Variants in KCTD18 observed in about 807,000 individuals in gnomAD.
KCTD18 encodes BTB/POZ domain-containing protein KCTD18.
In KCTD18, 22 loss-of-function variants were observed where a neutral mutation model predicts 30.4. The ratio of observed to expected loss-of-function variants is 0.72; its 90% CI spans 0.52 to 1.03. The LOEUF is 1.03. Ranked by LOEUF, KCTD18 falls within the 50% of genes least tolerant of loss-of-function variation. The pLI, the probability that KCTD18 is intolerant of heterozygous loss-of-function variation, is 0.00. For missense variants in KCTD18, 529 were observed against 547.6 expected, an observed-to-expected ratio of 0.97 and a Z score of 0.34; for synonymous variants, 186 against 209.0, an observed-to-expected ratio of 0.89 and a Z score of 0.95.
chr2:200,499,541 A>C (rs2088051901), intron 3 of KCTD18, among the ~76,000 whole-genome samples: 1 of 152,116 alleles, frequency 6.6e-6, no homozygotes, highest in Non-Finnish European at 1.5e-5. Flanking sequence ...GAAATGGATA[A>C]ATTCCTCGAC....
intron 2 of KCTD18, 129 bp downstream of exon 2, chr2:200,506,726 CAT>C: frequency 1.4e-6 from 1 of 721,844 alleles, no homozygotes. Context: ...AATGAATCTC[CAT>C]AGAGTCCTAA....
At chr2:200,491,800 C>T (rs1262674396) in intron 6 of KCTD18, among the ~76,000 whole-genome samples, 1 of 152,228 alleles carries the variant, frequency 6.6e-6, no homozygotes, top group Non-Finnish European at 1.5e-5. Context: ...ACTCTGCTCT[C>T]TTGCAAGTCT....
intron 5 of KCTD18, 86 bp from the exon 6 acceptor site, chr2:200,493,360 T>A: frequency 2.5e-6 from 2 of 810,808 alleles, no homozygotes; most frequent in South Asian, 1.4e-5. Flanking sequence ...CCTGCCAGAG[T>A]CTGAGGTTCA....
chr2:200,506,036 CTGG>C (rs1206867702), intron 2 of KCTD18, among the ~76,000 whole-genome samples: 3 of 152,084 alleles, frequency 2.0e-5, no homozygotes, highest in Non-Finnish European at 2.9e-5. Flanking sequence ...GCACCAGCCA[CTGG>C]TGATTTTTTT....
chr2:200,507,063 C>T lies in KCTD18; in HGVS notation c.-47G>A. 1 of 1,520,524 alleles carries T rather than the reference C, an allele frequency of 6.6e-7. No homozygotes were observed. The highest frequency in any genetic ancestry group is 9.0e-7 in the Non-Finnish European group (1 of 1,113,536). 94.2% of individuals were successfully genotyped at this position (1,520,524 alleles called of 1,614,324 possible). On this transcript the variant is annotated 5_prime_UTR_variant, in exon 2 of 7. Coordinates refer to ENST00000359878, the MANE Select transcript of KCTD18 (RefSeq NM_152387.4). ...TTTTGCCGCCCAACACTTTCAGAAA[C>T]TTCAAAACAATGATGTCTTGGTCTC...
intron 2 of KCTD18, 121 bp downstream of exon 2, chr2:200,506,736 T>C (rs2030219902): frequency 3.7e-6 from 3 of 818,876 alleles, no homozygotes; most frequent in Non-Finnish European, 5.9e-6. Flanking sequence ...CATAGAGTCC[T>C]AATGATCTCA....
chr2:200,506,276 G>C (rs1173413640), intron 2 of KCTD18, among the ~76,000 whole-genome samples: 1 of 152,176 alleles, frequency 6.6e-6, no homozygotes, highest in Non-Finnish European at 1.5e-5. Flanking sequence ...TGGAAGCAGA[G>C]AGCAGCCCCA....
At chr2:200,493,702 GT>G (rs1273223246) in intron 5 of KCTD18, among the ~76,000 whole-genome samples, 1 of 152,242 alleles carries the variant, frequency 6.6e-6, no homozygotes, top group African/African-American at 2.4e-5. Context: ...AAGGACCACT[GT>G]GATGATTAAA....
rs1220298562 is a variant in KCTD18 at position 200,490,183 on chromosome 2, C to T, written c.1198G>A (p.Ala400Thr). ...CLPSPTATRQANSLKPLPGEA... is the reference protein window; with the variant it reads ...CLPSPTATRQTNSLKPLPGEA... ...CCGGGAAGCGGCTTGAGGGAGTTGG[C>T]CTGCCTCGTGGCCGTGGGGGAGGGC... The change falls in exon 7 of 7, where the codon GCC becomes ACC. Residue 400 changes from alanine (A) to threonine (T), a missense_variant. Transcript: ENST00000359878. The T allele has an allele frequency of 6.2e-7, 1 of 1,613,708 alleles. No individual in the cohort carries two copies. The highest frequency in any genetic ancestry group is 8.5e-7 in the Non-Finnish European group (1 of 1,179,652).
intron 3 of KCTD18, among the ~76,000 whole-genome samples, chr2:200,499,328 A>T (rs1322124624): frequency 6.6e-6 from 1 of 152,174 alleles, no homozygotes; most frequent in Non-Finnish European, 1.5e-5. Flanking sequence ...TTTCATCTAC[A>T]GAAACCTTTT....
intron 5 of KCTD18, among the ~76,000 whole-genome samples, chr2:200,493,863 T>C (rs892097080): frequency 1.3e-5 from 2 of 152,200 alleles, no homozygotes; most frequent in African/African-American, 4.8e-5. Flanking sequence ...TCTACTTCAC[T>C]GGGTTGCTGT....
rs1204442752 is a variant in KCTD18, at chr2:200,504,820, T to C, written c.300A>G (p.Pro100=). 3.7e-6 allele frequency: 6 copies of C among 1,614,188 alleles called. No homozygotes were observed. The highest frequency in any genetic ancestry group is 2.2e-5 in the East Asian group (1 of 44,880). ...TGGCCAAATGGTCAGACAGGCTGTA[T>C]GGATAAGGGATGCCAAAGTAATCAG... is the stretch of plus-strand genomic sequence containing the variant. ...EEADYFGIPY[P]YSLSDHLANE... Residue 100 remains proline (P), a synonymous_variant, in exon 3 of 7, where the codon CCA becomes CCG. Transcript: ENST00000359878.
chr2:200,500,949 G>A (rs991584100), intron 3 of KCTD18, among the ~76,000 whole-genome samples: 6 of 151,604 alleles, frequency 4.0e-5, no homozygotes, highest in Middle Eastern at 3.2e-3. Flanking sequence ...ATAGATCAAT[G>A]GAACAGAACA....
intron 5 of KCTD18, 50 bp downstream of exon 5, chr2:200,497,703 T>G (rs773903233): frequency 3.2e-6 from 4 of 1,249,576 alleles, no homozygotes; most frequent in Non-Finnish European, 4.7e-6. Flanking sequence ...ACTTTGTCTT[T>G]TTTTTTTAAA....
At chr2:200,501,214 C>G (rs1195324042) in intron 3 of KCTD18, among the ~76,000 whole-genome samples, 2 of 151,370 alleles carry the variant, frequency 1.3e-5, no homozygotes, top group African/African-American at 4.9e-5. Context: ...CCATTCAGGA[C>G]ATAGGCATGG....
rs1358378124 is a variant in KCTD18, at chr2:200,489,298, G to A, written c.*802C>T. On this transcript the variant is annotated 3_prime_UTR_variant, in exon 7 of 7. Coordinates refer to ENST00000359878, the MANE Select transcript of KCTD18 (RefSeq NM_152387.4). ...GTATAATCAGAATGAATCTTCAGTG[G>A]TCATTTCTGAAAAACAAATACTAAC... 1.3e-5 allele frequency: 2 copies of A among 152,536 alleles called. No homozygotes were observed. The highest frequency in any genetic ancestry group is 2.9e-5 in the Non-Finnish European group (2 of 68,018). The allele number at this position is 152,536 out of a possible 1,614,324, so 9.4% of individuals were successfully genotyped here. A position where few individuals can be genotyped will look rare whatever the true frequency, so the allele number is the denominator to read the frequency against.
chr2:200,509,535 C>T (rs1172080826), intron 1 of KCTD18, 93 bp downstream of exon 1: 1 of 152,752 alleles, frequency 6.5e-6, no homozygotes, highest in Non-Finnish European at 1.5e-5. Flanking sequence ...TCCGCAGGCC[C>T]CATCCTCAAA....
chr2:200,491,577 T>G (rs1037311455), intron 6 of KCTD18, among the ~76,000 whole-genome samples: 7 of 152,242 alleles, frequency 4.6e-5, no homozygotes, highest in Admixed American at 4.6e-4. Flanking sequence ...TTTGCATTCT[T>G]TGGAACCCAT....
At position 200,490,592 on chromosome 2, in the gene KCTD18, C is replaced by T. The variant is rs370785664; in HGVS notation, c.789G>A (p.Ala263=). ...RKRRLITFNE[A]DESVNYKTGP... ...CAGTCTTATAGTTCACACTTTCGTC[C>T]GCTTCATTGAACGTTATCAGTCGCC... Residue 263 remains alanine (A), a synonymous_variant, in exon 7 of 7, where the codon GCG becomes GCA. Coordinates refer to ENST00000359878, the MANE Select transcript of KCTD18 (RefSeq NM_152387.4). 15 of 1,595,062 alleles carry T rather than the reference C, an allele frequency of 9.4e-6. No homozygotes were observed. The highest frequency in any genetic ancestry group is 2.7e-5 in the African/African-American group (2 of 74,724).
Sources: gnomAD v4.1 joint callset for allele counts (sites outside exome capture counted in the v4.1 genomes callset) on GRCh38, gnomAD v4.1.1 for gene constraint, MANE v1.5 for transcripts, NCBI Gene and HGNC (gene_info 2026-07-23, HGNC 2026-07-21) for gene names.